MAP3K2: variants seen among roughly 807,000 people sequenced by gnomAD.
The protein encoded by MAP3K2 is mitogen-activated protein kinase kinase kinase 2, also known as MAP/ERK kinase kinase 2.
In MAP3K2, 24 loss-of-function variants were observed where a neutral mutation model predicts 80.3. The observed-to-expected ratio is 0.30, with a 90% CI of 0.22 to 0.42. The LOEUF is 0.42. MAP3K2 is among the 10% of genes least tolerant of loss of function. The pLI is 1.00. For missense variants in MAP3K2, 608 were observed against 750.1 expected, an observed-to-expected ratio of 0.81 and a Z score of 2.21; for synonymous variants, 244 against 253.7, an observed-to-expected ratio of 0.96 and a Z score of 0.36.
chr2:127,382,746 A>G (rs1850689), intron 1 of MAP3K2, among the ~76,000 whole-genome samples: 106,710 of 152,122 alleles, frequency 0.7, 37,567 homozygotes, highest in Admixed American at 0.78. Flanking sequence ...GGCTGGTCTT[A>G]AACTCCTGAC....
chr2:127,325,924 T>C, intron 8 of MAP3K2, 117 bp from the exon 9 acceptor site: 1 of 687,200 alleles, frequency 1.5e-6, no homozygotes. Flanking sequence ...CCATTTAAAG[T>C]ATACAAGTCA....
intron 7 of MAP3K2, among the ~76,000 whole-genome samples, chr2:127,328,704 G>A (rs1044057346): frequency 2.6e-5 from 4 of 152,190 alleles, no homozygotes; most frequent in South Asian, 4.1e-4. Flanking sequence ...CAGACACTTC[G>A]AAGAGAATGG....
At chr2:127,343,047 AAC>A in intron 2 of MAP3K2, 77 bp downstream of exon 2, 1 of 1,066,728 alleles carries the variant, frequency 9.4e-7, no homozygotes, top group Non-Finnish European at 1.4e-6. Context: ...GGTTTATAAT[AAC>A]ACATAATAGA....
At chr2:127,377,704 C>A (rs149513765) in intron 1 of MAP3K2, among the ~76,000 whole-genome samples, 1,934 of 152,274 alleles carry the variant, frequency 0.013, 19 homozygotes, top group Non-Finnish European at 0.016. Flanking sequence ...AATATTATCT[C>A]TGCTTCCTAA....
chr2:127,342,562 GA>G (rs1686516431), intron 2 of MAP3K2, among the ~76,000 whole-genome samples: 1 of 152,084 alleles, frequency 6.6e-6, no homozygotes, highest in Non-Finnish European at 1.5e-5. Flanking sequence ...CTTGATTTAG[GA>G]TAGGGTGGGC....
At chr2:127,379,985 C>T (rs4662724) in intron 1 of MAP3K2, among the ~76,000 whole-genome samples, 120,148 of 152,166 alleles carry the variant, frequency 0.79, 47,564 homozygotes, top group Middle Eastern at 0.84. Flanking sequence ...GCCTAGAACA[C>T]AGAAAATTAC....
In MAP3K2 at chr2:127,339,413, T is replaced by A. The variant is rs1686434944; in HGVS notation, c.5-363A>T. 6.6e-6 allele frequency among the ~76,000 whole-genome samples: 1 copy of A among 151,900 alleles called. No individual in the cohort carries two copies. Among genetic ancestry groups the A allele is most frequent in the South Asian group, 2.1e-4 (1 of 4,818 alleles). ...GTTTTAAAAAGTAGGGAAAAAAAAA[T>A]AAACAACTTTGTATAAATCTCATTA... On this transcript the variant is annotated intron_variant, in intron 2 of 16. Coordinates refer to ENST00000682094, the MANE Select transcript of MAP3K2 (RefSeq NM_001371910.2). The surrounding 1 kb of genome is among the most constrained non-coding windows in gnomAD (Gnocchi z 4.2).
rs1686049510 is a variant in MAP3K2 at position 127,322,675 on chromosome 2, C to T, written c.839-423G>A. 6.6e-6 allele frequency among the ~76,000 whole-genome samples: 1 copy of T among 152,076 alleles called. No individual in the cohort carries two copies. The highest frequency in any genetic ancestry group is 1.5e-5 in the Non-Finnish European group (1 of 68,004). On this transcript the variant is annotated intron_variant, in intron 11 of 16. Transcript: ENST00000682094. This position sits in a 1 kb window ranked among gnomAD's most constrained non-coding sequence, Gnocchi z 4.2. ...GTGGTACAATCTCGGCTCACTGCAA[C>T]CTCCGCCTCCAGGGTTCAAGCGATT...
intron 1 of MAP3K2, among the ~76,000 whole-genome samples, chr2:127,369,175 C>T (rs994278769): frequency 8.6e-5 from 13 of 151,116 alleles, no homozygotes; most frequent in African/African-American, 3.2e-4. Context: ...TGGTCTTGAA[C>T]TCCAGACCTT....
chr2:127,317,908 A>C (rs1053819141), intron 13 of MAP3K2, 148 bp from the exon 14 acceptor site: 5 of 783,276 alleles, frequency 6.4e-6, no homozygotes, highest in Non-Finnish European at 9.9e-6. Context: ...TAACTTTTTA[A>C]ACAGTCCTTG....
At position 127,299,295 on chromosome 2, in the gene MAP3K2, AAC is replaced by A. The variant is rs1311940909; in HGVS notation, c.*8282_*8283del. 2.0e-5 allele frequency: 3 copies of A among 152,238 alleles called. No homozygotes were observed. The highest frequency in any genetic ancestry group is 7.2e-5 in the African/African-American group (3 of 41,464). 9.4% of individuals were successfully genotyped at this position (152,238 alleles called of 1,614,324 possible). On this transcript the variant is annotated 3_prime_UTR_variant, in exon 17 of 17. Coordinates refer to ENST00000682094, the MANE Select transcript of MAP3K2 (RefSeq NM_001371910.2). ...AATTCTTTTTCTGCCAGTTACTTAA[AAC>A]ACACAGTACAATATAAAGACACACA...
At chr2:127,352,641 G>C (rs1686711028) in intron 1 of MAP3K2, among the ~76,000 whole-genome samples, 1 of 152,016 alleles carries the variant, frequency 6.6e-6, no homozygotes, top group African/African-American at 2.4e-5. Context: ...ACATGCTTAG[G>C]ATGGCAAAGC....
intron 2 of MAP3K2, among the ~76,000 whole-genome samples, chr2:127,341,606 C>G (rs1231562206): frequency 2.8e-5 from 4 of 143,530 alleles, no homozygotes; most frequent in Non-Finnish European, 6.0e-5. Flanking sequence ...GATCTCGGCT[C>G]ACTACAAGAT....
chr2:127,362,483 A>T (rs1016905246), intron 1 of MAP3K2, among the ~76,000 whole-genome samples: 4 of 152,192 alleles, frequency 2.6e-5, no homozygotes, highest in Non-Finnish European at 5.9e-5. Flanking sequence ...ATTTGTTTTA[A>T]ATGTTTACAA....
intron 1 of MAP3K2, among the ~76,000 whole-genome samples, chr2:127,380,110 C>T (rs978107435): frequency 1.3e-5 from 2 of 152,162 alleles, no homozygotes; most frequent in African/African-American, 4.8e-5. Context: ...GGAGGCATCA[C>T]CTTTTAAGTA....
chr2:127,345,722 A>G (rs1686584899), intron 1 of MAP3K2, among the ~76,000 whole-genome samples: 1 of 152,246 alleles, frequency 6.6e-6, no homozygotes, highest in African/African-American at 2.4e-5. Context: ...ACACAAGGAT[A>G]TCTGGAAAAT....
chr2:127,388,059 G>A (rs541747225), upstream of MAP3K2: 894 of 983,702 alleles, frequency 9.1e-4, 8 homozygotes, highest in African/African-American at 0.013. Context: ...CCCGCCGCGG[G>A]CGCGCGCCCG....
rs757710789 is a variant in MAP3K2, at chr2:127,318,138, G to A, written c.1194+31C>T. ...AATAATGAATAAAGTTTCTTATAATGTGACAAAGTAATTTGTGCAGTGATT... is the reference window on the plus strand; with the variant it reads ...AATAATGAATAAAGTTTCTTATAATATGACAAAGTAATTTGTGCAGTGATT... On this transcript the variant is annotated intron_variant, in intron 13 of 16. Transcript: ENST00000682094. 3.3e-6 allele frequency: 5 copies of A among 1,524,140 alleles called. No homozygotes were observed. The East Asian group carries it at 7.3e-5, about 22-fold the overall frequency. The allele number at this position is 1,524,140 out of a possible 1,614,324, so 94.4% of individuals were successfully genotyped here.
intron 3 of MAP3K2, 59 bp from the exon 4 acceptor site, chr2:127,337,837 T>A: frequency 1.0e-6 from 1 of 970,774 alleles, no homozygotes; most frequent in Non-Finnish European, 1.5e-6. Flanking sequence ...AGAGATTAGA[T>A]AAAATTTCTA....
Sources: allele counts gnomAD v4.1 joint callset (sites outside exome capture counted in the v4.1 genomes callset), GRCh38; gene constraint gnomAD v4.1.1; non-coding constraint Gnocchi (gnomAD v3.1); transcripts MANE v1.5; gene names NCBI Gene and HGNC (gene_info 2026-07-23, HGNC 2026-07-21).